The following SMYD1 variants were observed in gnomAD, a reference collection of about 807,000 sequenced individuals.
SMYD1 encodes the protein SET and MYND domain containing 1, also known as histone-lysine N-methyltransferase SMYD1.
SMYD1 carries 49 observed loss-of-function variants against 54.0 expected under a neutral mutation model. That is an observed-to-expected ratio of 0.91 (90% CI 0.72 to 1.15). The LOEUF is 1.15. Among genes scored for constraint, SMYD1 ranks in the 50% most tolerant of loss-of-function variants. The pLI, the probability that SMYD1 is intolerant of heterozygous loss-of-function variation, is 0.00. For synonymous variants in SMYD1, 269 were observed against 234.2 expected (o/e 1.15, Z -1.36); for missense variants, 653 against 639.6 (o/e 1.02, Z -0.23).
At chr2:88,090,360 G>A (rs2103995875) in intron 3 of SMYD1, among the ~76,000 whole-genome samples, 1 of 152,300 alleles carries the variant, frequency 6.6e-6, no homozygotes, top group Non-Finnish European at 1.5e-5. Flanking sequence ...CCTACTGTGA[G>A]AGCAGATATT....
At chr2:88,095,449 C>T (rs930985786) in intron 5 of SMYD1, among the ~76,000 whole-genome samples, 4 of 152,212 alleles carry the variant, frequency 2.6e-5, no homozygotes, top group Admixed American at 2.6e-4. Context: ...TCAGCAGTTG[C>T]TCCCTTGACT....
At chr2:88,096,496 C>A in intron 5 of SMYD1, 99 bp from the exon 6 acceptor site, 1 of 1,046,334 alleles carries the variant, frequency 9.6e-7, no homozygotes, top group Non-Finnish European at 1.4e-6. Flanking sequence ...CAGTGAAAGT[C>A]ATTGTCTTTG....
intron 8 of SMYD1, 44 bp from the exon 9 acceptor site, chr2:88,108,327 A>C: frequency 6.7e-7 from 1 of 1,495,574 alleles, no homozygotes; most frequent in South Asian, 1.4e-5. Flanking sequence ...TGCAGATATA[A>C]GGGTGATTGG....
rs752786219 is a variant in SMYD1 at position 88,110,533 on chromosome 2, G to A, written c.*21G>A. ...AATGAGGACTGCCCAGTGGAGGAGG[G>A]GCGATGTGGCTGGGGAGCTAGGGAG... On this transcript the variant is annotated 3_prime_UTR_variant, in exon 10 of 10. Coordinates refer to ENST00000419482, the MANE Select transcript of SMYD1 (RefSeq NM_198274.4). 6.5e-7 allele frequency: 1 copy of A among 1,540,322 alleles called. No individual in the cohort carries two copies. The highest frequency in any genetic ancestry group is 2.0e-5 in the Admixed American group (1 of 50,396).
rs13403507 is a variant in SMYD1 at position 88,096,694 on chromosome 2, G to A, written c.798G>A (p.Leu266=). Residue 266 remains leucine, a synonymous_variant, in exon 6 of 10, where the codon CTG becomes CTA. Transcript: ENST00000419482. ...LNVSEERKRQ[L]KKQYYFDCTC... is the part of the protein sequence containing the mutation. ...TTAGTGAAGAACGCAAGAGGCAGCT[G>A]AAGAAGCAGTACTACTTTGACTGCA... 1.4e-3 allele frequency: 2,184 copies of A among 1,614,068 alleles called. 33 individuals carry two copies. The African/African-American group carries it at 0.025, about 18-fold the overall frequency.
rs1674938755 is a variant in SMYD1 at position 88,108,537 on chromosome 2, G to C, written c.1312G>C (p.Glu438Gln). 1 of 1,580,974 alleles carries C rather than the reference G, an allele frequency of 6.3e-7. No individual in the cohort carries two copies. Among genetic ancestry groups the C allele is most frequent in the South Asian group, 1.2e-5 (1 of 85,638 alleles). ...GPSHPITKDL[E>Q]AMRVQTEMEL... ...CTCCCACCCCATCACTAAGGACTTAGAGGCAAGTAGCGTCTTGAGGCTGGT... is the reference window on the plus strand; with the variant it reads ...CTCCCACCCCATCACTAAGGACTTACAGGCAAGTAGCGTCTTGAGGCTGGT... Residue 438 changes from glutamate to glutamine, a missense_variant and splice_region_variant, in exon 9 of 10, where the codon GAG becomes CAG. Physicochemically the swap from Glu to Gln is conservative, Grantham distance 29. Coordinates refer to ENST00000419482, the MANE Select transcript of SMYD1 (RefSeq NM_198274.4).
Position 88,091,713 on chromosome 2 carries a change from C to A in SMYD1, c.659+571C>A, listed in dbSNP as rs540724006. 8.9e-3 allele frequency among the ~76,000 whole-genome samples: 1,360 copies of A among 152,056 alleles called. 9 individuals carry two copies. The highest frequency in any genetic ancestry group is 0.014 in the Non-Finnish European group (920 of 67,982). ...AAATAAATAAATACATAAATAAATA[C>A]ATTAGCCGGGCATGGTGGTGTGTGC... On this transcript the variant is annotated intron_variant, in intron 4 of 9. Transcript: ENST00000419482.
intron 1 of SMYD1, among the ~76,000 whole-genome samples, chr2:88,074,398 C>T (rs2103977587): frequency 6.6e-6 from 1 of 152,334 alleles, no homozygotes; most frequent in East Asian, 1.9e-4. Flanking sequence ...CTCCTGCCTC[C>T]TCTTATAAGG....
At chr2:88,081,198 T>C (rs10210864) in intron 1 of SMYD1, among the ~76,000 whole-genome samples, 123,660 of 152,078 alleles carry the variant, frequency 0.81, 50,622 homozygotes, top group East Asian at 1. Flanking sequence ...CCACCGCGCC[T>C]GGCCTGGATA....
intron 5 of SMYD1, 77 bp downstream of exon 5, chr2:88,093,632 TC>T: frequency 6.6e-7 from 1 of 1,510,280 alleles, no homozygotes. Context: ...GGCCACCCAT[TC>T]CCGAGACTTC....
At chr2:88,099,818 C>T (rs1020666990) in intron 6 of SMYD1, among the ~76,000 whole-genome samples, 1 of 151,742 alleles carries the variant, frequency 6.6e-6, no homozygotes, top group Non-Finnish European at 1.5e-5. Context: ...CTTCTCCTTC[C>T]TCTTTGGCTC....
chr2:88,110,314 G>A (rs1674986657), intron 9 of SMYD1, 40 bp from the exon 10 acceptor site: 4 of 1,579,168 alleles, frequency 2.5e-6, no homozygotes, highest in Non-Finnish European at 3.4e-6. Flanking sequence ...ATGTCCTAGG[G>A]GCTTGCTATC....
At chr2:88,105,517 A>G (rs1340639124) in intron 7 of SMYD1, among the ~76,000 whole-genome samples, 2 of 152,294 alleles carry the variant, frequency 1.3e-5, no homozygotes, top group East Asian at 1.9e-4. Flanking sequence ...ATCCTTCCAT[A>G]TACTTTAAAG....
intron 5 of SMYD1, among the ~76,000 whole-genome samples, chr2:88,094,949 G>A (rs563129994): frequency 6.6e-6 from 1 of 152,302 alleles, no homozygotes; most frequent in African/African-American, 2.4e-5. Context: ...CAAGGGCTTT[G>A]ATGCATCTTA....
intron 7 of SMYD1, among the ~76,000 whole-genome samples, chr2:88,104,083 C>T (rs1005513955): frequency 6.6e-6 from 1 of 151,950 alleles, no homozygotes; most frequent in African/African-American, 2.4e-5. Flanking sequence ...TCTCCTGCCT[C>T]AGCCTCCCAA....
At position 88,104,053 on chromosome 2, in the gene SMYD1, G is replaced by A. The variant is rs569311916; in HGVS notation, c.981+903G>A. On this transcript the variant is annotated intron_variant, in intron 7 of 9. Transcript: ENST00000419482. ...ACGATTTCGGCTCACTGCAAGCTCTGCCTCCCAGGTTCACGCCATTCTCCT... is the reference window on the plus strand; with the variant it reads ...ACGATTTCGGCTCACTGCAAGCTCTACCTCCCAGGTTCACGCCATTCTCCT... Among the ~76,000 whole-genome samples the A allele has an allele frequency of 2.0e-5, 3 of 149,720 alleles. No individual in the cohort carries two copies. In the East Asian group the frequency reaches 5.9e-4, roughly 30 times the overall value.
At chr2:88,089,083 G>A (rs957887750) in intron 3 of SMYD1, among the ~76,000 whole-genome samples, 2 of 152,228 alleles carry the variant, frequency 1.3e-5, no homozygotes, top group Non-Finnish European at 2.9e-5. Flanking sequence ...AATGGTGGAG[G>A]CTTGGTAAGT....
At chr2:88,097,145 G>A (rs867994587) in intron 6 of SMYD1, among the ~76,000 whole-genome samples, 1 of 152,220 alleles carries the variant, frequency 6.6e-6, no homozygotes, top group Non-Finnish European at 1.5e-5. Context: ...TCCTTTATGA[G>A]TTGAGTGATG....
chr2:88,079,703 C>A (rs1674145119), intron 1 of SMYD1, among the ~76,000 whole-genome samples: 1 of 152,154 alleles, frequency 6.6e-6, no homozygotes, highest in Admixed American at 6.5e-5. Flanking sequence ...TGCCTGTAAT[C>A]CCAGCTACTC....
Sources: allele counts gnomAD v4.1 joint callset (sites outside exome capture counted in the v4.1 genomes callset), GRCh38; gene constraint gnomAD v4.1.1; transcripts MANE v1.5; gene names NCBI Gene and HGNC (gene_info 2026-07-23, HGNC 2026-07-21).